SORCS3: variants seen among roughly 807,000 people sequenced by gnomAD.
The protein encoded by SORCS3 is VPS10 domain-containing receptor SorCS3.
A neutral mutation model predicts 146.3 loss-of-function variants in SORCS3; 57 were observed. The ratio of observed to expected loss-of-function variants is 0.39; its 90% confidence interval spans 0.31 to 0.49. SORCS3 has a LOEUF of 0.49. SORCS3 is among the 20% of genes least tolerant of loss of function. SORCS3 has a pLI of 0.92. For synonymous variants in SORCS3, 653 were observed against 618.5 expected (o/e 1.06, Z -0.83); for missense variants, 1,341 against 1,575.5 (o/e 0.85, Z 2.52).
intron 1 of SORCS3, among the ~76,000 whole-genome samples, chr10:104,691,517 G>C (rs1161727941): frequency 1.3e-5 from 2 of 152,148 alleles, no homozygotes; most frequent in African/African-American, 2.4e-5. Context: ...CATCTTCCCT[G>C]TCTTGTCTGG....
intron 4 of SORCS3, among the ~76,000 whole-genome samples, chr10:104,979,667 G>A (rs1286222109): frequency 1.3e-5 from 2 of 152,084 alleles, no homozygotes; most frequent in Non-Finnish European, 2.9e-5. Flanking sequence ...CTCATGGTGG[G>A]TGCCAGGTGC....
chr10:104,765,794 G>T (rs1026985965), intron 1 of SORCS3, among the ~76,000 whole-genome samples: 1 of 152,154 alleles, frequency 6.6e-6, no homozygotes, highest in Non-Finnish European at 1.5e-5. Flanking sequence ...TATAAATTGG[G>T]TGCTATTTCA....
At chr10:104,949,926 G>T (rs2019410945) in intron 3 of SORCS3, among the ~76,000 whole-genome samples, 1 of 152,314 alleles carries the variant, frequency 6.6e-6, no homozygotes, top group African/African-American at 2.4e-5. Context: ...AAATGGTAAT[G>T]AGTTAAGAGA....
intron 2 of SORCS3, among the ~76,000 whole-genome samples, chr10:104,875,906 T>C (rs1416846582): frequency 2.0e-5 from 3 of 152,174 alleles, no homozygotes; most frequent in African/African-American, 7.2e-5. Context: ...TTAGAATAGC[T>C]AAATAGACTC....
intron 1 of SORCS3, among the ~76,000 whole-genome samples, chr10:104,825,669 G>A (rs1186193044): frequency 6.6e-6 from 1 of 152,086 alleles, no homozygotes; most frequent in Admixed American, 6.5e-5. Context: ...ATTAAGCCGT[G>A]GTCTGGTGAG....
intron 1 of SORCS3, among the ~76,000 whole-genome samples, chr10:104,766,404 G>T (rs1272535089): frequency 6.6e-6 from 1 of 152,188 alleles, no homozygotes; most frequent in African/African-American, 2.4e-5. Context: ...GCAAATAGTG[G>T]CATCTGTACT....
intron 1 of SORCS3, among the ~76,000 whole-genome samples, chr10:104,787,534 T>G (rs2017452517): frequency 6.6e-6 from 1 of 152,088 alleles, no homozygotes; most frequent in African/African-American, 2.4e-5. Context: ...TCTGTTAGTT[T>G]GTGCTGGGGA....
chr10:105,006,552 T>G (rs2055096706), intron 4 of SORCS3, among the ~76,000 whole-genome samples: 1 of 152,142 alleles, frequency 6.6e-6, no homozygotes, highest in African/African-American at 2.4e-5. Context: ...CTCCAGTGGC[T>G]CTCATCTCAC....
At chr10:104,712,707 C>A (rs2016432523) in intron 1 of SORCS3, among the ~76,000 whole-genome samples, 1 of 152,170 alleles carries the variant, frequency 6.6e-6, no homozygotes, top group South Asian at 2.1e-4. Context: ...ATGCTCACAG[C>A]TGAAGGATAG....
chr10:105,138,339 A>G (rs904491881), intron 7 of SORCS3, among the ~76,000 whole-genome samples: 3 of 151,990 alleles, frequency 2.0e-5, no homozygotes, highest in African/African-American at 7.3e-5. Context: ...GTGAGGAGAG[A>G]TGGGTGGCTT....
intron 1 of SORCS3, among the ~76,000 whole-genome samples, chr10:104,791,256 C>T (rs975612794): frequency 6.6e-6 from 1 of 152,180 alleles, no homozygotes; most frequent in African/African-American, 2.4e-5. Flanking sequence ...TGACCCTGGG[C>T]TCAGATGGCT....
At chr10:105,178,352 G>T (rs10884109) in intron 14 of SORCS3, among the ~76,000 whole-genome samples, 179 bp downstream of exon 14, 47,431 of 152,030 alleles carry the variant, frequency 0.31, 7,498 homozygotes, top group Middle Eastern at 0.4. Flanking sequence ...AAAAGCTACT[G>T]CCAGGATTAG....
intron 7 of SORCS3, among the ~76,000 whole-genome samples, chr10:105,118,186 G>A (rs186268298): frequency 1.1e-4 from 17 of 152,224 alleles, no homozygotes; most frequent in South Asian, 1.0e-3. Context: ...TTATGGGGGC[G>A]GTTATCCCCA....
chr10:104,664,599 C>T (rs1193494705), intron 1 of SORCS3: 1 of 152,196 alleles, frequency 6.6e-6, no homozygotes, highest in Non-Finnish European at 1.5e-5. Context: ...TCACTTGAGT[C>T]ATCAAAGCTT....
At chr10:104,940,231 TA>T (rs1564717916) in intron 3 of SORCS3, among the ~76,000 whole-genome samples, 32 of 18,030 alleles carry the variant, frequency 1.8e-3, no homozygotes, top group Admixed American at 5.9e-3. Flanking sequence ...TATATATATA[TA>T]TATATATTTT....
At chr10:105,162,418 T>G (rs964838638) in intron 11 of SORCS3, among the ~76,000 whole-genome samples, 7 of 151,606 alleles carry the variant, frequency 4.6e-5, no homozygotes, top group Non-Finnish European at 8.8e-5. Context: ...CCAATTCCAC[T>G]TCAGCCAGCA....
chr10:105,219,756 A>C (rs1052632122), intron 19 of SORCS3, among the ~76,000 whole-genome samples: 2 of 152,226 alleles, frequency 1.3e-5, no homozygotes, highest in African/African-American at 4.8e-5. Context: ...AATGAACTTC[A>C]CATTCCTCTA....
At chr10:105,160,356 G>A (rs2056251792) in intron 11 of SORCS3, among the ~76,000 whole-genome samples, 3 of 152,328 alleles carry the variant, frequency 2.0e-5, no homozygotes, top group Admixed American at 2.0e-4. Context: ...GCCAGGCGCA[G>A]TGGTTCATGC....
intron 4 of SORCS3, among the ~76,000 whole-genome samples, chr10:105,020,661 C>T (rs557822742): frequency 6.6e-5 from 10 of 152,294 alleles, no homozygotes; most frequent in East Asian, 3.9e-4. Flanking sequence ...AAACTTATCA[C>T]GGACAAATAA....
Sources: gnomAD v4.1 joint callset for allele counts (sites outside exome capture counted in the v4.1 genomes callset) on GRCh38, gnomAD v4.1.1 for gene constraint, MANE v1.5 for transcripts, NCBI Gene and HGNC (gene_info 2026-07-23, HGNC 2026-07-21) for gene names.